The following UNC79 variants were observed in gnomAD, a reference collection of about 807,000 sequenced individuals.
UNC79 encodes unc-79 subunit of NALCN channel complex.
UNC79 carries 37 observed loss-of-function variants against 283.1 expected under a neutral mutation model. The observed-to-expected ratio is 0.13, with a 90% confidence interval of 0.10 to 0.17. UNC79 has a LOEUF of 0.17. UNC79 is among the 10% of genes least tolerant of loss of function. The pLI is 1.00. For synonymous variants in UNC79, 1,107 were observed against 1,200.2 expected (o/e 0.92, Z 1.61); for missense variants, 2,272 against 3,211.1 (o/e 0.71, Z 7.07).
intron 47 of UNC79, among the ~76,000 whole-genome samples, chr14:93,700,164 T>C (rs558004922): frequency 0.025 from 3,728 of 151,998 alleles, 110 homozygotes; most frequent in African/African-American, 0.072. Flanking sequence ...CATTCTTATC[T>C]TTTTTGTCTG....
intron 23 of UNC79, among the ~76,000 whole-genome samples, chr14:93,596,711 C>G (rs2065110410): frequency 1.3e-5 from 2 of 152,170 alleles, no homozygotes; most frequent in Non-Finnish European, 2.9e-5. Context: ...ACTGAAACGT[C>G]TTAATTTGCA....
At chr14:93,506,649 ATGTT>A (rs944864542) in intron 7 of UNC79, among the ~76,000 whole-genome samples, 16 of 151,924 alleles carry the variant, frequency 1.1e-4, no homozygotes, top group African/African-American at 3.9e-4. Context: ...GATATTATGT[ATGTT>A]TGTCTTTTTG....
chr14:93,523,762 A>G (rs990969285), intron 7 of UNC79, among the ~76,000 whole-genome samples: 4 of 152,210 alleles, frequency 2.6e-5, no homozygotes, highest in African/African-American at 7.2e-5. Context: ...TGTACATGCC[A>G]TCTTATATTG....
chr14:93,352,382 C>G (rs1184118893), intron 1 of UNC79, among the ~76,000 whole-genome samples: 1 of 152,200 alleles, frequency 6.6e-6, no homozygotes, highest in East Asian at 1.9e-4. Context: ...ACCCTCCTAG[C>G]TGGGGAAGAA....
chr14:93,430,173 C>G (rs577680617), upstream of UNC79, among the ~76,000 whole-genome samples: 2 of 152,286 alleles, frequency 1.3e-5, no homozygotes, highest in East Asian at 3.9e-4. This position sits in a 1 kb window ranked among gnomAD's most constrained non-coding sequence, Gnocchi z 4.6. Flanking sequence ...TGTCTTCAGT[C>G]TTTCATCTTC....
chr14:93,465,201 T>C (rs1486063716), intron 1 of UNC79, among the ~76,000 whole-genome samples: 1 of 152,178 alleles, frequency 6.6e-6, no homozygotes, highest in Non-Finnish European at 1.5e-5. Flanking sequence ...GTCCACAATC[T>C]ATCGTATGTC....
exon 15 of UNC79, chr14:93,572,036 G>C: frequency 6.2e-7 from 1 of 1,614,214 alleles, no homozygotes; most frequent in Admixed American, 1.7e-5. Context: ...GAAGCCATCA[G>C]AACAGAAGTC....
intron 7 of UNC79, among the ~76,000 whole-genome samples, chr14:93,508,498 G>T (rs1039353106): frequency 2.6e-5 from 4 of 152,028 alleles, no homozygotes; most frequent in African/African-American, 9.7e-5. Flanking sequence ...AACAATATTG[G>T]ATTTTTGAAT....
chr14:93,591,575 C>T (rs1400260842), intron 22 of UNC79, among the ~76,000 whole-genome samples: 1 of 152,110 alleles, frequency 6.6e-6, no homozygotes, highest in East Asian at 1.9e-4. Flanking sequence ...TTTATCAATA[C>T]CGTAAGTTTA....
intron 1 of UNC79, among the ~76,000 whole-genome samples, chr14:93,446,723 T>C (rs780523941): frequency 6.6e-6 from 1 of 152,176 alleles, no homozygotes; most frequent in Non-Finnish European, 1.5e-5. Context: ...TTCCAAATAT[T>C]TGGGATTTTC....
intron 7 of UNC79, among the ~76,000 whole-genome samples, chr14:93,517,317 A>T (rs1240712463): frequency 0.015 from 1,039 of 68,968 alleles, no homozygotes; most frequent in South Asian, 0.025. Flanking sequence ...TTTTCTTTCT[A>T]TCCTTCTCTT....
chr14:93,562,248 G>A (rs1172335333), intron 14 of UNC79, among the ~76,000 whole-genome samples: 2 of 152,148 alleles, frequency 1.3e-5, no homozygotes, highest in Admixed American at 1.3e-4. Flanking sequence ...AGAATTTGAG[G>A]GGTCAGATTC....
intron 1 of UNC79, among the ~76,000 whole-genome samples, chr14:93,439,938 T>C (rs1344775660): frequency 6.6e-6 from 1 of 152,164 alleles, no homozygotes; most frequent in Non-Finnish European, 1.5e-5. Context: ...GTTTTGATGT[T>C]TATTTTCTGC....
At chr14:93,704,663 C>T (rs1441227700) in exon 48 of UNC79, 5 of 1,614,058 alleles carry the variant, frequency 3.1e-6, no homozygotes, top group African/African-American at 1.3e-5. Context: ...AGTCAAATAT[C>T]AAGGTAAGTC....
intron 47 of UNC79, among the ~76,000 whole-genome samples, chr14:93,699,001 T>C (rs913716679): frequency 2.6e-5 from 4 of 152,210 alleles, no homozygotes; most frequent in African/African-American, 9.6e-5. Context: ...ACAGTCCAGC[T>C]TTCTTTTGAC....
intron 40 of UNC79, among the ~76,000 whole-genome samples, chr14:93,666,759 T>C (rs2072247277): frequency 6.6e-6 from 1 of 152,162 alleles, no homozygotes; most frequent in Non-Finnish European, 1.5e-5. Context: ...AACGGTCATA[T>C]AAAGAATCCT....
At chr14:93,487,231 G>T (rs2058489293) in intron 4 of UNC79, among the ~76,000 whole-genome samples, 1 of 152,054 alleles carries the variant, frequency 6.6e-6, no homozygotes, top group African/African-American at 2.4e-5. Flanking sequence ...TATTTCATCT[G>T]CATCTCTAAA....
At chr14:93,637,121 A>G (rs556734835) in intron 31 of UNC79, 95 bp from the exon 35 acceptor site, 14 of 772,162 alleles carry the variant, frequency 1.8e-5, no homozygotes, top group East Asian at 1.5e-4. Flanking sequence ...AGTGACCAAA[A>G]AATTGGCCCC....
chr14:93,387,139 C>T (rs776400242), intron 1 of UNC79, among the ~76,000 whole-genome samples: 9 of 151,790 alleles, frequency 5.9e-5, no homozygotes, highest in Non-Finnish European at 1.0e-4. Flanking sequence ...GACGGGGTTT[C>T]ACCATGTTAG....
Sources: allele counts gnomAD v4.1 joint callset (sites outside exome capture counted in the v4.1 genomes callset), GRCh38; gene constraint gnomAD v4.1.1; non-coding constraint Gnocchi (gnomAD v3.1); transcripts MANE v1.5; gene names NCBI Gene and HGNC (gene_info 2026-07-23, HGNC 2026-07-21).